Variants in AUTS2 observed in about 807,000 individuals in gnomAD.
AUTS2 encodes autism susceptibility gene 2 protein.
AUTS2 carries 17 observed loss-of-function variants against 112.4 expected under a neutral mutation model. The ratio of observed to expected loss-of-function variants is 0.15; its 90% CI spans 0.10 to 0.23. The LOEUF (loss-of-function observed/expected upper bound fraction) is 0.23. Ranked by LOEUF, AUTS2 falls within the 10% of genes least tolerant of loss-of-function variation. The pLI, the probability that AUTS2 is intolerant of heterozygous loss-of-function variation, is 1.00. For synonymous variants in AUTS2, 751 were observed against 702.7 expected, an observed-to-expected ratio of 1.07 and a Z score of -1.09; for missense variants, 1,510 against 1,701.6, an observed-to-expected ratio of 0.89 and a Z score of 1.98.
chr7:70,226,263 C>G (rs1562801194), intron 4 of AUTS2, among the ~76,000 whole-genome samples: 1 of 152,066 alleles, frequency 6.6e-6, no homozygotes, highest in Non-Finnish European at 1.5e-5. Context: ...TCTTGGCTCA[C>G]TGCAAGCTCC....
chr7:69,627,299 C>G (rs1388150926), intron 1 of AUTS2, among the ~76,000 whole-genome samples: 1 of 152,120 alleles, frequency 6.6e-6, no homozygotes, highest in African/African-American at 2.4e-5. Context: ...GAAAACCAGC[C>G]TGGCCAACAT....
chr7:69,779,477 A>C (rs934268422), intron 1 of AUTS2, among the ~76,000 whole-genome samples: 1 of 151,910 alleles, frequency 6.6e-6, no homozygotes, highest in African/African-American at 2.4e-5. Flanking sequence ...AAATATATAG[A>C]TAGAAGCCAG....
intron 1 of AUTS2, among the ~76,000 whole-genome samples, chr7:69,606,682 A>C (rs753031279): frequency 7.2e-5 from 11 of 152,176 alleles, no homozygotes; most frequent in Non-Finnish European, 1.2e-4. Context: ...TAATTTTAGA[A>C]AGTTCTGAAA....
At chr7:69,610,765 A>C (rs1247445935) in intron 1 of AUTS2, among the ~76,000 whole-genome samples, 1 of 152,192 alleles carries the variant, frequency 6.6e-6, no homozygotes, top group Admixed American at 6.5e-5. Context: ...TATGATTTCC[A>C]TATCTGTTCC....
chr7:70,675,100 C>G (rs1807842534), intron 5 of AUTS2, among the ~76,000 whole-genome samples: 1 of 152,276 alleles, frequency 6.6e-6, no homozygotes, highest in South Asian at 2.1e-4. Flanking sequence ...TAATCCTCCC[C>G]CCCCTCAACT....
chr7:69,666,513 T>C (rs1413821580), intron 1 of AUTS2, among the ~76,000 whole-genome samples: 1 of 152,156 alleles, frequency 6.6e-6, no homozygotes, highest in Non-Finnish European at 1.5e-5. Context: ...CCTACTTACT[T>C]CTAAGCCGTG....
At chr7:70,273,469 C>T (rs1787786463) in intron 4 of AUTS2, among the ~76,000 whole-genome samples, 1 of 134,226 alleles carries the variant, frequency 7.5e-6, no homozygotes, top group South Asian at 2.4e-4. Context: ...CTACCTATAG[C>T]TTTTATTATT....
chr7:70,777,024 G>T, intron 13 of AUTS2, 79 bp from the exon 14 acceptor site: 17 of 1,430,406 alleles, frequency 1.2e-5, no homozygotes, highest in Non-Finnish European at 1.7e-5. Context: ...GCCAAAATCT[G>T]CTGAAAGCTT....
At chr7:69,993,191 C>G (rs1449861313) in intron 2 of AUTS2, among the ~76,000 whole-genome samples, 1 of 152,172 alleles carries the variant, frequency 6.6e-6, no homozygotes, top group Admixed American at 6.5e-5. Context: ...CAAGGCTCAT[C>G]GTTTCTGTGT....
At chr7:69,921,618 A>G (rs905997384) in intron 2 of AUTS2, among the ~76,000 whole-genome samples, 9 of 151,154 alleles carry the variant, frequency 6.0e-5, no homozygotes, top group African/African-American at 2.2e-4. Context: ...AAAAAATACA[A>G]AAATTAGCCA....
At chr7:70,738,686 C>T (rs1400615720) in intron 6 of AUTS2, among the ~76,000 whole-genome samples, 1 of 152,098 alleles carries the variant, frequency 6.6e-6, no homozygotes, top group Non-Finnish European at 1.5e-5. Context: ...CCCGGAGGAG[C>T]GGTGACAGTC....
intron 1 of AUTS2, among the ~76,000 whole-genome samples, chr7:69,883,242 C>T (rs1490512171): frequency 6.6e-6 from 1 of 150,826 alleles, no homozygotes; most frequent in Non-Finnish European, 1.5e-5. Flanking sequence ...GCTTTGTGCA[C>T]TTCAAAGCAG....
At chr7:69,813,284 A>T (rs1420031825) in intron 1 of AUTS2, among the ~76,000 whole-genome samples, 1 of 152,148 alleles carries the variant, frequency 6.6e-6, no homozygotes, top group Non-Finnish European at 1.5e-5. Context: ...CCTGAGTGTC[A>T]CCTTGTTGGG....
At chr7:69,661,118 T>C (rs1039290610) in intron 1 of AUTS2, among the ~76,000 whole-genome samples, 1 of 152,090 alleles carries the variant, frequency 6.6e-6, no homozygotes, top group Non-Finnish European at 1.5e-5. Context: ...GAGAGTTCTG[T>C]ACATTCAGGG....
At chr7:69,903,023 C>A (rs565515033) in intron 2 of AUTS2, among the ~76,000 whole-genome samples, 2 of 152,254 alleles carry the variant, frequency 1.3e-5, no homozygotes, top group South Asian at 4.1e-4. Flanking sequence ...TAGCGCATGT[C>A]TTTCTGACCT....
At chr7:70,604,435 C>A (rs1285303343) in intron 5 of AUTS2, among the ~76,000 whole-genome samples, 5 of 152,220 alleles carry the variant, frequency 3.3e-5, no homozygotes, top group African/African-American at 1.2e-4. Flanking sequence ...TCTGCAGCAA[C>A]CATCACAGAG....
intron 6 of AUTS2, among the ~76,000 whole-genome samples, chr7:70,759,466 A>G (rs754351911): frequency 5.9e-5 from 9 of 152,358 alleles, no homozygotes; most frequent in Non-Finnish European, 1.2e-4. Flanking sequence ...GGGGATTCTA[A>G]TCAGATGTTC....
chr7:70,472,041 G>C (rs1027156584), intron 5 of AUTS2, among the ~76,000 whole-genome samples: 2 of 152,118 alleles, frequency 1.3e-5, no homozygotes, highest in African/African-American at 4.8e-5. Flanking sequence ...ACTCAAGTGG[G>C]CCAGCACACA....
rs183431785 is a variant in AUTS2, at chr7:70,677,172, T to C, written c.691-21397T>C. Among the ~76,000 whole-genome samples the C allele has an allele frequency of 3.2e-3, 489 of 152,334 alleles. 1 individual carries two copies. Among genetic ancestry groups the C allele is most frequent in the African/African-American group, 0.011 (468 of 41,576 alleles). ...TCCCTTCTTGTCATTCAACTCTGTCTGTGACTCCTTCCCCAGCGCAGTAAA... is the reference window on the plus strand; with the variant it reads ...TCCCTTCTTGTCATTCAACTCTGTCCGTGACTCCTTCCCCAGCGCAGTAAA... On this transcript the variant is annotated intron_variant, in intron 5 of 18. Coordinates refer to ENST00000342771, the MANE Select transcript of AUTS2 (RefSeq NM_015570.4).
Sources: gnomAD v4.1 joint callset for allele counts (sites outside exome capture counted in the v4.1 genomes callset) on GRCh38, gnomAD v4.1.1 for gene constraint, MANE v1.5 for transcripts, NCBI Gene and HGNC (gene_info 2026-07-23, HGNC 2026-07-21) for gene names.